The following MEI1 variants were observed in gnomAD, a reference collection of about 807,000 sequenced individuals.
The protein encoded by MEI1 is meiotic double-stranded break formation protein 1.
A neutral mutation model predicts 146.2 loss-of-function variants in MEI1; 103 were observed. The ratio of observed to expected loss-of-function variants is 0.70; its 90% confidence interval spans 0.60 to 0.83. MEI1 has a LOEUF of 0.83. MEI1 is among the 40% of genes least tolerant of loss of function. The pLI, the probability that MEI1 is intolerant of heterozygous loss-of-function variation, is 0.00. For missense variants in MEI1, 1,529 were observed against 1,533.0 expected, an observed-to-expected ratio of 1.00 and a Z score of 0.04; for synonymous variants, 652 against 628.2, an observed-to-expected ratio of 1.04 and a Z score of -0.57.
chr22:41,724,095 G>GTC (rs1251415558), intron 7 of MEI1, 22 bp downstream of exon 7: 20 of 1,613,136 alleles, frequency 1.2e-5, no homozygotes, highest in Non-Finnish European at 1.7e-5. Context: ...GTGATTCCTG[G>GTC]TCTCTAGGTT....
chr22:41,719,250 G>A (rs1175547846), intron 6 of MEI1, among the ~76,000 whole-genome samples: 1 of 152,004 alleles, frequency 6.6e-6, no homozygotes. Flanking sequence ...CAAAGTGCTG[G>A]GATTACAGGC....
intron 19 of MEI1, among the ~76,000 whole-genome samples, chr22:41,763,955 T>C (rs1392956832): frequency 6.8e-6 from 1 of 147,048 alleles, no homozygotes. Flanking sequence ...TTTTTTTTTT[T>C]TTTTTTTTTG....
chr22:41,782,219 A>G (rs1255244596), intron 24 of MEI1, among the ~76,000 whole-genome samples: 2 of 152,174 alleles, frequency 1.3e-5, no homozygotes, highest in East Asian at 1.9e-4. Context: ...AATATGAGCA[A>G]AGGCATGAAG....
At chr22:41,790,119 G>C (rs751319173) in intron 26 of MEI1, among the ~76,000 whole-genome samples, 15 of 152,128 alleles carry the variant, frequency 9.9e-5, no homozygotes, top group Non-Finnish European at 1.8e-4. Flanking sequence ...CTCTCATTCT[G>C]TTGTCCAGGC....
At chr22:41,748,059 A>T in intron 14 of MEI1, 48 bp from the exon 15 acceptor site, 1 of 1,317,918 alleles carries the variant, frequency 7.6e-7, no homozygotes, top group Non-Finnish European at 1.1e-6. Context: ...CCTTTTCTTC[A>T]GAGGCTCAGT....
intron 22 of MEI1, among the ~76,000 whole-genome samples, chr22:41,780,576 C>CTT (rs150215660): frequency 0.011 from 1,341 of 121,352 alleles, 62 homozygotes; most frequent in African/African-American, 0.036. Context: ...GAATTTTTTT[C>CTT]TTTTCTTTTT....
At position 41,754,031 on chromosome 22, in the gene MEI1, C is replaced by G; in HGVS notation, c.1936C>G (p.Pro646Ala). 6.2e-7 allele frequency: 1 copy of G among 1,611,940 alleles called. No homozygotes were observed. Among genetic ancestry groups the G allele is most frequent in the Non-Finnish European group, 8.5e-7 (1 of 1,178,066 alleles). ...TCTCTCAGCTCCAGAGAAGACAGGA[C>G]CACCTTCCAAAGAAGGTAAGATGCT... ...NLLSAPEKTG[P>A]PSKEELSAVS... Residue 646 changes from proline (P) to alanine (A), a missense_variant, in exon 17 of 31, where the codon CCA becomes GCA. This residue lies in a region of MEI1 where 1,212 missense variants were observed against 1,178.9 expected (regional missense o/e 1.03). Coordinates refer to ENST00000401548, the MANE Select transcript of MEI1 (RefSeq NM_152513.4).
At chr22:41,705,710 T>G (rs1181793860) in intron 3 of MEI1, among the ~76,000 whole-genome samples, 156 bp downstream of exon 3, 1 of 105,736 alleles carries the variant, frequency 9.5e-6, no homozygotes, top group African/African-American at 1.6e-4. Flanking sequence ...GTTTTTTACT[T>G]TTTTTTTTTT....
chr22:41,732,300 G>A lies in MEI1; in HGVS notation c.1152G>A (p.Glu384=), dbSNP rs112571044. ...LQGSLKMNNI[E]LHKQGLLLFA... Reference sequence around the variant, plus strand: ...GAAGCCTGAAGATGAACAACATAGAGCTGCACAAGCAGGGCCTGCTGCTTT... The same window carrying A: ...GAAGCCTGAAGATGAACAACATAGAACTGCACAAGCAGGGCCTGCTGCTTT... The change falls in exon 10 of 31, where the codon GAG becomes GAA. Residue 384 remains glutamate, a synonymous_variant. Coordinates refer to ENST00000401548, the MANE Select transcript of MEI1 (RefSeq NM_152513.4). The A allele has an allele frequency of 2.7e-5, 43 of 1,612,592 alleles. No homozygotes were observed. Among genetic ancestry groups the A allele is most frequent in the African/African-American group, 2.7e-4 (20 of 75,026 alleles).
chr22:41,738,804 A>G (rs1182513881), intron 11 of MEI1, among the ~76,000 whole-genome samples: 1 of 40,774 alleles, frequency 2.5e-5, no homozygotes, highest in African/African-American at 3.1e-4. Flanking sequence ...TAAGTAATAA[A>G]ATAAATAAAT....
At chr22:41,771,101 G>T (rs2075158268) in intron 20 of MEI1, 140 bp downstream of exon 20, 1 of 940,398 alleles carries the variant, frequency 1.1e-6, no homozygotes, top group South Asian at 1.6e-5. Flanking sequence ...TGAGTTGGAG[G>T]GGTGGTGGTC....
chr22:41,731,548 G>A (rs1275137180), intron 9 of MEI1, among the ~76,000 whole-genome samples: 1 of 151,654 alleles, frequency 6.6e-6, no homozygotes, highest in Non-Finnish European at 1.5e-5. Context: ...GTAGAGACGG[G>A]GGTCTCTCCA....
At chr22:41,781,908 C>T (rs992236851) in intron 24 of MEI1, 63 bp downstream of exon 24, 8 of 1,579,330 alleles carry the variant, frequency 5.1e-6, no homozygotes, top group Middle Eastern at 1.8e-4. Flanking sequence ...GTTGAAGATC[C>T]TGAGTTCTGG....
intron 22 of MEI1, among the ~76,000 whole-genome samples, chr22:41,779,151 C>A (rs893331126): frequency 6.6e-6 from 1 of 151,974 alleles, no homozygotes; most frequent in African/African-American, 2.4e-5. Flanking sequence ...ATAGCAAGAT[C>A]CTGCCTCTAC....
chr22:41,771,066 C>G, intron 20 of MEI1, 105 bp downstream of exon 20: 1 of 1,254,868 alleles, frequency 8.0e-7, no homozygotes, highest in Non-Finnish European at 1.1e-6. Context: ...TTCAGCCCAC[C>G]TCCAGACTTA....
At chr22:41,740,135 T>G (rs927502727) in intron 11 of MEI1, among the ~76,000 whole-genome samples, 2 of 151,988 alleles carry the variant, frequency 1.3e-5, no homozygotes, top group African/African-American at 4.8e-5. Flanking sequence ...TTCTCCTGCC[T>G]TAGCCTCGCG....
chr22:41,705,332 C>T (rs1391003965), intron 2 of MEI1, among the ~76,000 whole-genome samples, 172 bp from the exon 3 acceptor site: 1 of 151,918 alleles, frequency 6.6e-6, no homozygotes, highest in Admixed American at 6.6e-5. Flanking sequence ...CCACTACTCC[C>T]GGCTAATTTT....
chr22:41,756,006 T>A (rs2074070322), intron 17 of MEI1, among the ~76,000 whole-genome samples: 1 of 152,146 alleles, frequency 6.6e-6, no homozygotes, highest in Non-Finnish European at 1.5e-5. Flanking sequence ...AGTCTTAACA[T>A]CTTAACTCCC....
At chr22:41,726,471 A>C (rs2071365741) in intron 7 of MEI1, among the ~76,000 whole-genome samples, 1 of 152,260 alleles carries the variant, frequency 6.6e-6, no homozygotes, top group Admixed American at 6.5e-5. Flanking sequence ...TGTGTTATCA[A>C]ATCACAAAAC....
Sources: allele counts gnomAD v4.1 joint callset (sites outside exome capture counted in the v4.1 genomes callset), GRCh38; gene constraint gnomAD v4.1.1; regional missense constraint gnomAD v4.1.1; transcripts MANE v1.5; gene names NCBI Gene and HGNC (gene_info 2026-07-23, HGNC 2026-07-21).